The following FAM13A variants were observed in gnomAD, a reference collection of about 807,000 sequenced individuals.
FAM13A encodes family with sequence similarity 13 member A.
A neutral mutation model predicts 129.6 loss-of-function variants in FAM13A; 76 were observed. The observed-to-expected ratio is 0.59, with a 90% CI of 0.49 to 0.71. The LOEUF is 0.71. FAM13A is among the 30% of genes least tolerant of loss of function. The pLI is 0.00. For missense variants in FAM13A, 1,108 were observed against 1,249.3 expected, an observed-to-expected ratio of 0.89 and a Z score of 1.70; for synonymous variants, 443 against 449.9, an observed-to-expected ratio of 0.98 and a Z score of 0.20.
At chr4:88,882,393 G>A (rs547611878) in intron 6 of FAM13A, among the ~76,000 whole-genome samples, 1 of 152,134 alleles carries the variant, frequency 6.6e-6, no homozygotes, top group African/African-American at 2.4e-5. Flanking sequence ...GCTTCATAAA[G>A]GAAGGAAAGT....
In FAM13A at chr4:88,779,539, T is replaced by A. The variant is rs1722449690; in HGVS notation, c.1458+1626A>T. On this transcript the variant is annotated intron_variant, in intron 11 of 23. Transcript: ENST00000264344. ...CAGATGAGGAAGTTTTTCTTCTAAG[T>A]TGTATTGGCAGGGTTTCAAGTTATT... is the stretch of plus-strand genomic sequence containing the variant. Among the ~76,000 whole-genome samples, 3 of 152,122 alleles carry A rather than the reference T, an allele frequency of 2.0e-5. No individual in the cohort carries two copies. The South Asian group carries it at 6.2e-4, about 32-fold the overall frequency.
chr4:88,793,557 T>C (rs1725593404), intron 8 of FAM13A, among the ~76,000 whole-genome samples: 1 of 151,946 alleles, frequency 6.6e-6, no homozygotes, highest in Non-Finnish European at 1.5e-5. Flanking sequence ...CCACTGGTAA[T>C]CAGAAAAGAA....
intron 6 of FAM13A, among the ~76,000 whole-genome samples, chr4:88,899,372 T>C (rs1382879142): frequency 2.0e-4 from 30 of 151,718 alleles, no homozygotes; most frequent in Non-Finnish European, 5.9e-5. Context: ...AAGCTACAAA[T>C]TGGGTGCAGT....
intron 6 of FAM13A, chr4:88,855,439 T>A (rs1212920465): frequency 6.6e-6 from 1 of 152,086 alleles, no homozygotes; most frequent in Non-Finnish European, 1.5e-5. Context: ...TTATGGCATA[T>A]ACACATGATA....
At chr4:88,842,608 C>A (rs755457401) in intron 7 of FAM13A, among the ~76,000 whole-genome samples, 19 of 152,314 alleles carry the variant, frequency 1.2e-4, no homozygotes, top group Admixed American at 7.8e-4. Flanking sequence ...CAGGGCCCAG[C>A]GCATATGTGC....
At chr4:88,835,335 G>T (rs1734637476) in intron 7 of FAM13A, among the ~76,000 whole-genome samples, 1 of 152,022 alleles carries the variant, frequency 6.6e-6, no homozygotes, top group Non-Finnish European at 1.5e-5. Context: ...CCATTCAGTG[G>T]ATTTTCTCCT....
intron 11 of FAM13A, among the ~76,000 whole-genome samples, chr4:88,775,533 C>CT (rs1270701449): frequency 6.6e-6 from 1 of 152,066 alleles, no homozygotes; most frequent in Non-Finnish European, 1.5e-5. Flanking sequence ...TTCTGAAACT[C>CT]TGTCTCTACA....
chr4:88,875,579 A>G (rs1025371112), intron 6 of FAM13A, among the ~76,000 whole-genome samples: 1 of 152,226 alleles, frequency 6.6e-6, no homozygotes, highest in African/African-American at 2.4e-5. Context: ...TGCAAATCAA[A>G]ACCACAATGA....
intron 4 of FAM13A, among the ~76,000 whole-genome samples, chr4:88,961,346 CCTTTTTTTTTTTTTTTTTT>C (rs1177239286): frequency 1.2e-4 from 11 of 89,326 alleles, no homozygotes; most frequent in African/African-American, 4.4e-4. Context: ...GTGGAATTTG[CCTTTTTTTTTTTTTTTTTT>C]TTTTTTTTTT....
chr4:88,983,351 A>T (rs769490873), intron 4 of FAM13A, among the ~76,000 whole-genome samples: 28 of 152,170 alleles, frequency 1.8e-4, no homozygotes, highest in African/African-American at 6.5e-4. Flanking sequence ...GTATTCAACA[A>T]GGAAAAATAA....
Position 88,769,604 on chromosome 4 carries a change from C to A in FAM13A, c.1459-1545G>T, listed in dbSNP as rs182984716. Among the ~76,000 whole-genome samples the A allele has an allele frequency of 4.0e-3, 610 of 152,120 alleles. 9 individuals carry two copies. The highest frequency in any genetic ancestry group is 0.014 in the African/African-American group (582 of 41,512). On this transcript the variant is annotated intron_variant, in intron 11 of 23. Coordinates refer to ENST00000264344, the MANE Select transcript of FAM13A (RefSeq NM_014883.4). Reference sequence around the variant, plus strand: ...ATCCCAGCACTTTGGGAGGCTGAGGCGGGCAGATCACGAGGTCAAGAGATC... The same window carrying A: ...ATCCCAGCACTTTGGGAGGCTGAGGAGGGCAGATCACGAGGTCAAGAGATC...
chr4:88,971,558 A>G (rs2148951541), intron 4 of FAM13A, among the ~76,000 whole-genome samples: 1 of 152,316 alleles, frequency 6.6e-6, no homozygotes, highest in Middle Eastern at 3.4e-3. Flanking sequence ...CCAGGCTAGC[A>G]TGCAGTGGCA....
intron 10 of FAM13A, among the ~76,000 whole-genome samples, chr4:88,786,314 C>T (rs2149649263): frequency 6.6e-6 from 1 of 152,312 alleles, no homozygotes; most frequent in Non-Finnish European, 1.5e-5. Context: ...GATATCGTGA[C>T]ACACTGAGGA....
chr4:88,922,886 G>A (rs1579295615), intron 5 of FAM13A, among the ~76,000 whole-genome samples: 1 of 152,190 alleles, frequency 6.6e-6, no homozygotes, highest in Non-Finnish European at 1.5e-5. Flanking sequence ...CGATCCCACA[G>A]AAATTCAAAC....
intron 13 of FAM13A, among the ~76,000 whole-genome samples, chr4:88,764,197 T>C (rs534235927): frequency 1.3e-5 from 2 of 152,152 alleles, no homozygotes; most frequent in South Asian, 2.1e-4. Flanking sequence ...GAACTAGTCT[T>C]TTTTTTTAAA....
intron 21 of FAM13A, chr4:88,736,310 G>A (rs577189949): frequency 4.6e-5 from 7 of 152,076 alleles, no homozygotes; most frequent in Non-Finnish European, 8.8e-5. Flanking sequence ...ATCTGCAAAA[G>A]GCAAGAAAAG....
intron 3 of FAM13A, among the ~76,000 whole-genome samples, chr4:88,991,475 A>G (rs1560692665): frequency 6.6e-6 from 1 of 152,078 alleles, no homozygotes; most frequent in Admixed American, 6.5e-5. Context: ...AAGAATTACT[A>G]ACTTATGCAA....
At chr4:89,032,715 C>A (rs1376467192) in intron 1 of FAM13A, among the ~76,000 whole-genome samples, 1 of 152,124 alleles carries the variant, frequency 6.6e-6, no homozygotes, top group African/African-American at 2.4e-5. Flanking sequence ...CACTTAGTCT[C>A]CACTTGTCCT....
intron 7 of FAM13A, among the ~76,000 whole-genome samples, chr4:88,824,307 C>T (rs1225284818): frequency 6.6e-6 from 1 of 152,058 alleles, no homozygotes; most frequent in South Asian, 2.1e-4. Context: ...TGAGGTATCC[C>T]CTTCCCCTGT....
Sources: allele counts gnomAD v4.1 joint callset (sites outside exome capture counted in the v4.1 genomes callset), GRCh38; gene constraint gnomAD v4.1.1; transcripts MANE v1.5; gene names NCBI Gene and HGNC (gene_info 2026-07-23, HGNC 2026-07-21).